DNAH8: variants seen among roughly 807,000 people sequenced by gnomAD.
The protein encoded by DNAH8 is dynein axonemal heavy chain 8.
A neutral mutation model predicts 562.1 loss-of-function variants in DNAH8; 382 were observed. The ratio of observed to expected loss-of-function variants is 0.68; its 90% CI spans 0.63 to 0.74. The LOEUF (loss-of-function observed/expected upper bound fraction) is 0.74, where lower values mean the gene tolerates loss of function less well. Ranked by LOEUF, DNAH8 falls within the 30% of genes least tolerant of loss-of-function variation. DNAH8 has a pLI of 0.00. For missense variants in DNAH8, 5,203 were observed against 5,620.4 expected (o/e 0.93, Z 2.37); for synonymous variants, 1,881 against 1,919.4 (o/e 0.98, Z 0.52).
intron 32 of DNAH8, among the ~76,000 whole-genome samples, chr6:38,835,096 C>T (rs1165261861): frequency 1.3e-5 from 2 of 152,172 alleles, no homozygotes; most frequent in Non-Finnish European, 2.9e-5. Flanking sequence ...CAACCATTCA[C>T]CATCTTTTTC....
intron 26 of DNAH8, among the ~76,000 whole-genome samples, chr6:38,818,562 G>A (rs1365303491): frequency 8.3e-5 from 6 of 72,190 alleles, no homozygotes; most frequent in African/African-American, 3.5e-4. Context: ...AAGAAGATAT[G>A]GGATATTGGA....
chr6:38,720,888 A>C (rs1048789808), intron 1 of DNAH8, among the ~76,000 whole-genome samples: 2 of 151,920 alleles, frequency 1.3e-5, no homozygotes, highest in African/African-American at 4.8e-5. Flanking sequence ...GTTAACAAAG[A>C]GATTGAGATT....
At position 38,870,983 on chromosome 6, in the gene DNAH8, C is replaced by T. The variant is rs879906574; in HGVS notation, c.6990+421C>T. Among the ~76,000 whole-genome samples the T allele has an allele frequency of 4.4e-4, 67 of 152,160 alleles. 4 individuals carry two copies. The highest frequency in any genetic ancestry group is 2.9e-5 in the Non-Finnish European group (2 of 68,026). On this transcript the variant is annotated intron_variant, in intron 49 of 92. Transcript: ENST00000327475. The stretch of plus-strand genomic sequence containing the variant: ...GTGTGTGGACATGTTATATCCTTCA[C>T]CTACACTAAAACCTGAATCTTTTGA...
Position 38,873,254 on chromosome 6 carries a change from A to G in DNAH8, c.7498A>G (p.Thr2500Ala). ...GTTGCAGGCATGGTTGAAGAAACGC[A>G]CTGCACAGGAAGCTGCTGTATTCCT... The part of the protein sequence containing the change: ...PILQAWLKKR[T>A]AQEAAVFLTL... The change falls in exon 52 of 93, where the codon ACT becomes GCT. Residue 2500 changes from threonine to alanine, a missense_variant. Transcript: ENST00000327475. 1 of 1,613,372 alleles carries G rather than the reference A, an allele frequency of 6.2e-7. No individual in the cohort carries two copies. Among genetic ancestry groups the G allele is most frequent in the Non-Finnish European group, 8.5e-7 (1 of 1,179,824 alleles).
rs1405507117 is a variant in DNAH8, at chr6:38,715,948, A to T, written c.-35+533A>T. Among the ~76,000 whole-genome samples, 316 of 28,188 alleles carry T rather than the reference A, an allele frequency of 0.011. 43 individuals carry two copies. The East Asian group carries it at 0.15, about 13-fold the overall frequency. The allele number at this position is 28,188 out of a possible 152,430, so 18.5% of individuals were successfully genotyped here. On this transcript the variant is annotated intron_variant, in intron 1 of 92. Transcript: ENST00000327475. The stretch of plus-strand genomic sequence containing the variant: ...TAAATATATATATATATATATATAT[A>T]TATATATATATATTTTTTTTTTTTT...
intron 14 of DNAH8, among the ~76,000 whole-genome samples, 175 bp from the exon 15 acceptor site, chr6:38,779,791 G>A (rs769300718): frequency 6.6e-6 from 1 of 152,130 alleles, no homozygotes; most frequent in Middle Eastern, 3.2e-3. Context: ...GATAATTGTG[G>A]GTTCCAAGAG....
In DNAH8 at chr6:38,887,031, A is replaced by G. The variant is rs200089658; in HGVS notation, c.8473+27A>G. 3.4e-6 allele frequency: 5 copies of G among 1,465,318 alleles called. No individual in the cohort carries two copies. The East Asian group carries it at 9.1e-5, about 27-fold the overall frequency. The allele number at this position is 1,465,318 out of a possible 1,614,324, so 90.8% of individuals were successfully genotyped here. On this transcript the variant is annotated intron_variant, in intron 57 of 92. Coordinates refer to ENST00000327475, the MANE Select transcript of DNAH8 (RefSeq NM_001206927.2). ...TATGAATATTCTTAGCGTTTATTTT[A>G]TTGCATTACATAATGGACATAAACC...
At chr6:38,771,366 T>C (rs1032631048) in intron 12 of DNAH8, among the ~76,000 whole-genome samples, 2 of 152,070 alleles carry the variant, frequency 1.3e-5, no homozygotes, top group East Asian at 1.9e-4. Context: ...AGCTGTTTTT[T>C]AAATTTGTTT....
intron 49 of DNAH8, 84 bp from the exon 50 acceptor site, chr6:38,872,452 A>C: frequency 9.7e-6 from 14 of 1,443,700 alleles, no homozygotes; most frequent in Non-Finnish European, 1.3e-5. Context: ...AGCTTATTAA[A>C]GCCTTTAATC....
At chr6:38,915,490 C>T (rs2150540976) in intron 68 of DNAH8, 113 bp downstream of exon 68, 2 of 927,558 alleles carry the variant, frequency 2.2e-6, no homozygotes, top group South Asian at 3.7e-5. Flanking sequence ...GATTGATAAT[C>T]TCTGAGTCTG....
chr6:38,733,263 T>TGCACAGCCA (rs1763800141), intron 4 of DNAH8, among the ~76,000 whole-genome samples: 2 of 152,010 alleles, frequency 1.3e-5, no homozygotes, highest in Admixed American at 6.5e-5. Context: ...TTTTTGCAAA[T>TGCACAGCCA]TAATATTGTG....
intron 68 of DNAH8, 41 bp from the exon 69 acceptor site, chr6:38,917,198 C>A: frequency 1.4e-6 from 2 of 1,422,508 alleles, no homozygotes; most frequent in Non-Finnish European, 1.9e-6. Context: ...CTATTAATAC[C>A]ACTCAACAAA....
At chr6:38,815,342 C>G (rs991387938) in intron 25 of DNAH8, 126 bp from the exon 26 acceptor site, 1 of 625,144 alleles carries the variant, frequency 1.6e-6, no homozygotes, top group African/African-American at 1.8e-5. Flanking sequence ...TCATTCTCCC[C>G]CTCAAATCAG....
chr6:38,909,382 A>T (rs1780710868), intron 64 of DNAH8, 136 bp from the exon 65 acceptor site: 3 of 713,844 alleles, frequency 4.2e-6, no homozygotes, highest in Non-Finnish European at 7.1e-6. Flanking sequence ...CATTAAATTT[A>T]TATATGACTG....
chr6:38,945,728 G>C, intron 80 of DNAH8, 140 bp downstream of exon 80: 1 of 1,102,182 alleles, frequency 9.1e-7, no homozygotes, highest in Non-Finnish European at 1.3e-6. Context: ...CTCTGTGGCT[G>C]TCTGGGAGAG....
intron 70 of DNAH8, among the ~76,000 whole-genome samples, chr6:38,918,771 T>A (rs12200524): frequency 0.089 from 13,572 of 152,144 alleles, 824 homozygotes; most frequent in Non-Finnish European, 0.14. Context: ...GGGCAAGGAT[T>A]CATGAAATGT....
intron 88 of DNAH8, among the ~76,000 whole-genome samples, chr6:38,991,075 C>T (rs1175759535): frequency 6.6e-6 from 1 of 152,220 alleles, no homozygotes; most frequent in Non-Finnish European, 1.5e-5. Context: ...TGGGTTTGGA[C>T]ATGGACATTT....
chr6:38,878,341 C>A (rs1303363935), intron 53 of DNAH8, among the ~76,000 whole-genome samples: 1 of 152,148 alleles, frequency 6.6e-6, no homozygotes, highest in South Asian at 2.1e-4. Flanking sequence ...GATAGGGAGA[C>A]TTTACAGCAC....
chr6:38,971,305 C>T (rs143589738), intron 82 of DNAH8, among the ~76,000 whole-genome samples: 7 of 152,274 alleles, frequency 4.6e-5, no homozygotes, highest in Admixed American at 1.3e-4. Flanking sequence ...TCTTGTTCCT[C>T]ATTGTCTCCA....
Sources: gnomAD v4.1 joint callset for allele counts (sites outside exome capture counted in the v4.1 genomes callset) on GRCh38, gnomAD v4.1.1 for gene constraint, MANE v1.5 for transcripts, NCBI Gene and HGNC (gene_info 2026-07-23, HGNC 2026-07-21) for gene names.